Variants in DLG2 observed in about 807,000 individuals in gnomAD.
DLG2 encodes disks large homolog 2.
DLG2 carries 45 observed loss-of-function variants against 132.5 expected under a neutral mutation model. That is an observed-to-expected ratio of 0.34 (90% confidence interval 0.27 to 0.44). The LOEUF (loss-of-function observed/expected upper bound fraction) is 0.44, where lower values mean the gene tolerates loss of function less well. DLG2 is among the 20% of genes least tolerant of loss of function. DLG2 has a pLI of 1.00. For synonymous variants in DLG2, 424 were observed against 419.6 expected (o/e 1.01, Z -0.13); for missense variants, 1,045 against 1,196.9 (o/e 0.87, Z 1.87).
intron 6 of DLG2, among the ~76,000 whole-genome samples, chr11:85,015,290 C>G (rs1367405901): frequency 6.6e-6 from 1 of 151,936 alleles, no homozygotes; most frequent in Admixed American, 6.6e-5. Flanking sequence ...AACACACTGT[C>G]TATTTGCAGT....
At chr11:84,708,365 C>G (rs1031162861) in intron 6 of DLG2, among the ~76,000 whole-genome samples, 2 of 151,786 alleles carry the variant, frequency 1.3e-5, no homozygotes, top group African/African-American at 2.4e-5. Context: ...AAAATCATTA[C>G]AAAGAGATAA....
chr11:84,215,947 T>C lies in DLG2; in HGVS notation c.573+35291A>G, dbSNP rs183681937. 7.9e-5 allele frequency among the ~76,000 whole-genome samples: 12 copies of C among 152,284 alleles called. No homozygotes were observed. The East Asian group carries it at 2.1e-3, about 27-fold the overall frequency. On this transcript the variant is annotated intron_variant, in intron 8 of 27. Transcript: ENST00000376104. ...GAAAGGGAAGAACTGACTTGTTCGG[T>C]AAGTTTTGGTTTTCTATTGATTCAT... is the stretch of plus-strand genomic sequence containing the variant.
At chr11:83,946,830 G>A (rs11233839) in intron 14 of DLG2, among the ~76,000 whole-genome samples, 11,640 of 152,142 alleles carry the variant, frequency 0.077, 612 homozygotes, top group Non-Finnish European at 0.12. Context: ...AATGGTTCTG[G>A]GGATAGCCCT....
chr11:84,210,324 A>C (rs2096735330), intron 8 of DLG2, among the ~76,000 whole-genome samples: 1 of 148,182 alleles, frequency 6.7e-6, no homozygotes, highest in Non-Finnish European at 1.5e-5. Flanking sequence ...ATATGTCCAC[A>C]AAGTGTCCTG....
intron 3 of DLG2, among the ~76,000 whole-genome samples, chr11:85,296,607 A>G (rs994151082): frequency 2.0e-5 from 3 of 151,442 alleles, no homozygotes; most frequent in African/African-American, 7.3e-5. Context: ...CATGAAATGA[A>G]GGGTATTTTT....
At chr11:83,547,625 C>A (rs567506851) in intron 19 of DLG2, among the ~76,000 whole-genome samples, 2 of 152,216 alleles carry the variant, frequency 1.3e-5, no homozygotes, top group South Asian at 4.1e-4. Flanking sequence ...GTCCTACAAC[C>A]ATATGATGAC....
At chr11:84,347,989 A>C (rs1011753787) in intron 7 of DLG2, among the ~76,000 whole-genome samples, 2 of 152,152 alleles carry the variant, frequency 1.3e-5, no homozygotes, top group Admixed American at 6.5e-5. Context: ...GAGGTATGTT[A>C]ATCTAAAATT....
chr11:84,791,016 C>T (rs1403653936), intron 6 of DLG2, among the ~76,000 whole-genome samples: 2 of 152,110 alleles, frequency 1.3e-5, no homozygotes, highest in Non-Finnish European at 2.9e-5. Flanking sequence ...CTCACAGTTC[C>T]GCATGACTGG....
chr11:83,881,318 T>G (rs575610722), intron 15 of DLG2, among the ~76,000 whole-genome samples: 1 of 152,212 alleles, frequency 6.6e-6, no homozygotes, highest in African/African-American at 2.4e-5. Context: ...AAATCTATCA[T>G]GTACTTACAC....
intron 7 of DLG2, among the ~76,000 whole-genome samples, chr11:84,502,401 T>C (rs1028318021): frequency 1.9e-5 from 2 of 107,690 alleles, no homozygotes; most frequent in Non-Finnish European, 3.7e-5. Context: ...TTTCTTTCTT[T>C]CTTTCTTTCT....
intron 7 of DLG2, among the ~76,000 whole-genome samples, chr11:84,363,227 T>C (rs1391049319): frequency 1.3e-5 from 2 of 152,076 alleles, no homozygotes; most frequent in Non-Finnish European, 2.9e-5. Context: ...TGATATCTCA[T>C]TGTGGTTTTG....
At chr11:85,046,461 A>T (rs1317063678) in intron 6 of DLG2, among the ~76,000 whole-genome samples, 3 of 151,992 alleles carry the variant, frequency 2.0e-5, no homozygotes, top group African/African-American at 4.8e-5. Flanking sequence ...CCAATTCATT[A>T]TGAAAATATA....
chr11:83,551,240 A>T (rs1031003846), intron 19 of DLG2, among the ~76,000 whole-genome samples: 1 of 152,138 alleles, frequency 6.6e-6, no homozygotes, highest in Non-Finnish European at 1.5e-5. Context: ...GAGTCTAAAA[A>T]AATCTAAATT....
intron 7 of DLG2, among the ~76,000 whole-genome samples, chr11:84,469,695 G>C (rs1031509454): frequency 9.2e-5 from 14 of 151,600 alleles, no homozygotes; most frequent in African/African-American, 3.4e-4. Context: ...TGAATATAAA[G>C]AGGCATGAAC....
chr11:84,777,854 T>C (rs1407084513), intron 6 of DLG2, among the ~76,000 whole-genome samples: 1 of 152,150 alleles, frequency 6.6e-6, no homozygotes, highest in African/African-American at 2.4e-5. Context: ...TGAATATTAG[T>C]TCCCTGTTGG....
At chr11:84,197,143 T>G (rs533831685) in intron 8 of DLG2, among the ~76,000 whole-genome samples, 1 of 151,360 alleles carries the variant, frequency 6.6e-6, no homozygotes, top group East Asian at 1.9e-4. Context: ...TTGAACCATA[T>G]GTTGAGTATT....
chr11:84,496,173 T>C (rs2099183202), intron 7 of DLG2, among the ~76,000 whole-genome samples: 2 of 152,326 alleles, frequency 1.3e-5, no homozygotes, highest in South Asian at 2.1e-4. Context: ...AAGTTCAGAA[T>C]GTACCACCAT....
chr11:84,118,472 G>A (rs1050171782), intron 9 of DLG2, among the ~76,000 whole-genome samples: 6 of 152,128 alleles, frequency 3.9e-5, no homozygotes, highest in African/African-American at 1.4e-4. Flanking sequence ...CTAGAGTGAA[G>A]TATAGCCTAA....
At chr11:83,709,193 A>C (rs890532888) in intron 18 of DLG2, among the ~76,000 whole-genome samples, 1 of 151,472 alleles carries the variant, frequency 6.6e-6, no homozygotes, top group African/African-American at 2.4e-5. Flanking sequence ...GAAAAAAATA[A>C]AAGTCTGAAA....
Sources: gnomAD v4.1 joint callset for allele counts (sites outside exome capture counted in the v4.1 genomes callset) on GRCh38, gnomAD v4.1.1 for gene constraint, MANE v1.5 for transcripts, NCBI Gene and HGNC (gene_info 2026-07-23, HGNC 2026-07-21) for gene names.